Variants in SYN3 observed in about 807,000 individuals in gnomAD.
The protein encoded by SYN3 is synapsin-3.
Under a neutral mutation model 65.8 loss-of-function variants are expected in SYN3, and 35 were observed. The ratio of observed to expected loss-of-function variants is 0.53; its 90% CI spans 0.41 to 0.70. SYN3 has a LOEUF of 0.70. SYN3 is among the 30% of genes least tolerant of loss of function. The pLI is 0.00. For missense variants in SYN3, 680 were observed against 749.0 expected, an observed-to-expected ratio of 0.91 and a Z score of 1.08; for synonymous variants, 270 against 292.9, an observed-to-expected ratio of 0.92 and a Z score of 0.80.
At chr22:33,028,691 ATGGTGGTGGTGGTGG>A (rs1170552905) in intron 1 of SYN3, among the ~76,000 whole-genome samples, 3 of 43,154 alleles carry the variant, frequency 7.0e-5, no homozygotes, top group East Asian at 5.6e-4. Context: ...GGTGGTGGTG[ATGGTGGTGGTGGTGG>A]TGGTGGTGGG....
rs181774472 is a variant in SYN3 at position 32,586,701 on chromosome 22, C to T, written c.774+9973G>A. 2.5e-3 allele frequency among the ~76,000 whole-genome samples: 379 copies of T among 152,148 alleles called. 1 individual carries two copies. Among genetic ancestry groups the T allele is most frequent in the Non-Finnish European group, 1.9e-3 (128 of 68,002 alleles). ...CCACTCTGAGCAGGTCCGTGAATGG[C>T]CACAAAACTGCTGCGAGATTTCATT... is the stretch of plus-strand genomic sequence containing the variant. On this transcript the variant is annotated intron_variant, in intron 7 of 13. Transcript: ENST00000358763.
intron 6 of SYN3, among the ~76,000 whole-genome samples, chr22:32,770,969 C>A (rs1457430068): frequency 6.6e-6 from 1 of 151,422 alleles, no homozygotes; most frequent in Non-Finnish European, 1.5e-5. Flanking sequence ...TATACATGTG[C>A]CATGGTGGTT....
At chr22:32,858,504 G>A (rs1255032234) in intron 6 of SYN3, among the ~76,000 whole-genome samples, 1 of 152,126 alleles carries the variant, frequency 6.6e-6, no homozygotes, top group East Asian at 1.9e-4. Flanking sequence ...CACCCTGGTA[G>A]CTGACTCATC....
chr22:32,797,589 G>A (rs1358436502), intron 6 of SYN3, among the ~76,000 whole-genome samples: 1 of 152,108 alleles, frequency 6.6e-6, no homozygotes, highest in African/African-American at 2.4e-5. Flanking sequence ...ACAAGCAGGT[G>A]AACGCATAAC....
At position 32,512,560 on chromosome 22, in the gene SYN3, T is replaced by C. The variant is rs1011031152; in HGVS notation, c.*1132A>G. 6.6e-6 allele frequency: 1 copy of C among 152,232 alleles called. No individual in the cohort carries two copies. The highest frequency in any genetic ancestry group is 1.5e-5 in the Non-Finnish European group (1 of 68,036). 9.4% of individuals were successfully genotyped at this position (152,232 alleles called of 1,614,324 possible). A position where few individuals can be genotyped will look rare whatever the true frequency, so the allele number is the denominator to read the frequency against. On this transcript the variant is annotated 3_prime_UTR_variant, in exon 14 of 14. Coordinates refer to ENST00000358763, the MANE Select transcript of SYN3 (RefSeq NM_003490.4). ...TTGAGTCAAATCATCAGTTTGGATT[T>C]AACAAAGCTGATTTCTTTCCTGCAG...
intron 6 of SYN3, among the ~76,000 whole-genome samples, chr22:32,718,594 T>C (rs1273887391): frequency 6.6e-6 from 1 of 150,844 alleles, no homozygotes; most frequent in Admixed American, 6.6e-5. Context: ...TTGATTTATA[T>C]GTTCAAGGAA....
chr22:32,754,593 A>C (rs1399890269), intron 6 of SYN3, among the ~76,000 whole-genome samples: 2 of 152,154 alleles, frequency 1.3e-5, no homozygotes, highest in African/African-American at 4.8e-5. Flanking sequence ...AAGGCAAACA[A>C]AGTTCTGCAG....
chr22:32,839,734 A>G (rs954829681), intron 6 of SYN3, among the ~76,000 whole-genome samples: 1 of 152,164 alleles, frequency 6.6e-6, no homozygotes, highest in Admixed American at 6.5e-5. Flanking sequence ...TTGTCATTTC[A>G]TTGTGTAAAA....
chr22:32,843,010 A>G (rs1158076203), intron 6 of SYN3, among the ~76,000 whole-genome samples: 2 of 152,148 alleles, frequency 1.3e-5, no homozygotes, highest in Non-Finnish European at 2.9e-5. Context: ...TAAAATTATG[A>G]ACTATTTTGC....
Position 32,510,845 on chromosome 22 carries a change from T to A in SYN3, c.*2847A>T, listed in dbSNP as rs1025943114. Among the ~76,000 whole-genome samples the A allele has an allele frequency of 5.3e-5, 8 of 152,196 alleles. No individual in the cohort carries two copies. Among genetic ancestry groups the A allele is most frequent in the Non-Finnish European group, 8.8e-5 (6 of 68,026 alleles). On this transcript the variant is annotated 3_prime_UTR_variant, in exon 14 of 14. Transcript: ENST00000358763. ...TCTGGTTCTTTCATCGTGTGACTTA[T>A]ACTAGTGATCCCTATCTTCTTGGGG...
chr22:33,041,831 C>T (rs929512772), intron 1 of SYN3, among the ~76,000 whole-genome samples: 2 of 152,102 alleles, frequency 1.3e-5, no homozygotes, highest in African/African-American at 4.8e-5. Flanking sequence ...TTAGCTTGCT[C>T]AGGAAGCCTC....
At chr22:33,035,330 A>ACCCACCC (rs2053834535) in intron 1 of SYN3, among the ~76,000 whole-genome samples, 2 of 31,434 alleles carry the variant, frequency 6.4e-5, no homozygotes, top group Non-Finnish European at 1.4e-4. Context: ...AAATCTCGGG[A>ACCCACCC]CCCCCCCCCC....
At chr22:32,876,624 T>A (rs1428839978) in intron 4 of SYN3, among the ~76,000 whole-genome samples, 1 of 151,266 alleles carries the variant, frequency 6.6e-6, no homozygotes. Flanking sequence ...CACAGAGCAT[T>A]TTTACAATCA....
chr22:32,906,649 C>A (rs1399019020), intron 4 of SYN3, among the ~76,000 whole-genome samples: 4 of 152,006 alleles, frequency 2.6e-5, no homozygotes, highest in Non-Finnish European at 5.9e-5. Flanking sequence ...TAATGCTCAC[C>A]CTCCCCTTGC....
At chr22:33,025,764 C>G (rs1312861814) in intron 1 of SYN3, among the ~76,000 whole-genome samples, 1 of 151,932 alleles carries the variant, frequency 6.6e-6, no homozygotes, top group African/African-American at 2.4e-5. Flanking sequence ...CTTCATCAGC[C>G]CCCAAGGTCT....
intron 6 of SYN3, among the ~76,000 whole-genome samples, chr22:32,772,512 G>A (rs977354634): frequency 2.0e-5 from 3 of 151,996 alleles, no homozygotes; most frequent in African/African-American, 7.2e-5. Flanking sequence ...AAAATGATCC[G>A]CCTCCCTCCA....
intron 6 of SYN3, among the ~76,000 whole-genome samples, chr22:32,780,934 T>TTCCTTCC (rs1477484298): frequency 3.6e-4 from 30 of 82,644 alleles, no homozygotes; most frequent in African/African-American, 8.5e-4. Flanking sequence ...CCTTCCTTCC[T>TTCCTTCC]TTCCTTCCTT....
At position 32,580,760 on chromosome 22, in the gene SYN3, A is replaced by C. The variant is rs570695266; in HGVS notation, c.774+15914T>G. Among the ~76,000 whole-genome samples, 11 of 152,354 alleles carry C rather than the reference A, an allele frequency of 7.2e-5. No homozygotes were observed. In the South Asian group the frequency reaches 1.9e-3, roughly 26 times the overall value. ...TTGTCTGTGGTTGCTTTCCCACTACAAGAGCTGACTGAGTAGCTTCAGCAG... is the reference window on the plus strand; with the variant it reads ...TTGTCTGTGGTTGCTTTCCCACTACCAGAGCTGACTGAGTAGCTTCAGCAG... On this transcript the variant is annotated intron_variant, in intron 7 of 13. Coordinates refer to ENST00000358763, the MANE Select transcript of SYN3 (RefSeq NM_003490.4).
intron 6 of SYN3, among the ~76,000 whole-genome samples, chr22:32,623,872 C>T (rs2059629270): frequency 6.6e-6 from 1 of 152,084 alleles, no homozygotes; most frequent in Non-Finnish European, 1.5e-5. Context: ...GTGTCCCCTC[C>T]CACCATAAAA....
Sources: allele counts gnomAD v4.1 joint callset (sites outside exome capture counted in the v4.1 genomes callset), GRCh38; gene constraint gnomAD v4.1.1; transcripts MANE v1.5; gene names NCBI Gene and HGNC (gene_info 2026-07-23, HGNC 2026-07-21).